Variants in COX10 observed in about 807,000 individuals in gnomAD.
COX10 encodes protoheme IX farnesyltransferase, mitochondrial.
In COX10, 27 loss-of-function variants were observed where a neutral mutation model predicts 37.3. That is an observed-to-expected ratio of 0.72 (90% CI 0.53 to 1.00). COX10 has a LOEUF of 1.00. COX10 is among the 50% of genes least tolerant of loss of function. COX10 has a pLI of 0.00. For synonymous variants in COX10, 222 were observed against 229.1 expected, an observed-to-expected ratio of 0.97 and a Z score of 0.28; for missense variants, 475 against 563.2, an observed-to-expected ratio of 0.84 and a Z score of 1.59.
chr17:14,173,958 A>T (rs1472281429), intron 5 of COX10, among the ~76,000 whole-genome samples: 1 of 152,122 alleles, frequency 6.6e-6, no homozygotes, highest in Non-Finnish European at 1.5e-5. Flanking sequence ...GGACTCTTCG[A>T]TAAAACACAA....
intron 4 of COX10, among the ~76,000 whole-genome samples, chr17:14,156,850 G>A (rs1447806418): frequency 1.3e-5 from 2 of 152,160 alleles, no homozygotes; most frequent in Non-Finnish European, 2.9e-5. Context: ...TACTGCACAT[G>A]TGATTATAAT....
chr17:14,190,144 G>A (rs1181212998), intron 5 of COX10, among the ~76,000 whole-genome samples: 2 of 152,220 alleles, frequency 1.3e-5, no homozygotes, highest in African/African-American at 4.8e-5. Context: ...TGAACCTAGA[G>A]CCTTGAGAAG....
chr17:14,174,984 CAG>C (rs1206777051), intron 5 of COX10, among the ~76,000 whole-genome samples: 1 of 91,780 alleles, frequency 1.1e-5, no homozygotes, highest in African/African-American at 3.4e-5. Context: ...TGAAAGAAGA[CAG>C]AGACAAAAGA....
At chr17:14,162,312 C>G (rs1905186198) in intron 5 of COX10, among the ~76,000 whole-genome samples, 1 of 152,188 alleles carries the variant, frequency 6.6e-6, no homozygotes. Context: ...GAAATCTTCT[C>G]TGCCAAATTA....
rs1384631812 is a variant in COX10 at position 14,159,935 on chromosome 17, G to A, written c.683G>A (p.Arg228His). Residue 228 changes from arginine to histidine, a missense_variant, in exon 5 of 7, where the codon CGT becomes CAT. Around this residue, in one of 5 missense-constraint regions of COX10, gnomAD observed 54 missense variants for 70.6 expected, o/e 0.76. Coordinates refer to ENST00000261643, the MANE Select transcript of COX10 (RefSeq NM_001303.4). ...MNRTKNRPLV[R>H]GQISPLLAVS... The stretch of plus-strand genomic sequence containing the variant: ...AGGACAAAGAACAGACCGCTGGTTC[G>A]TGGACAGATCAGGTAAAATCACGAA... 18 of 1,612,044 alleles carry A rather than the reference G, an allele frequency of 1.1e-5. No homozygotes were observed. Among genetic ancestry groups the A allele is most frequent in the East Asian group, 1.1e-4 (5 of 44,826 alleles).
intron 5 of COX10, among the ~76,000 whole-genome samples, chr17:14,175,583 T>C (rs1172114106): frequency 1.3e-5 from 2 of 152,098 alleles, no homozygotes; most frequent in South Asian, 4.2e-4. Context: ...CTCTGGATGT[T>C]ACACTCTGTG....
At chr17:14,082,769 C>T (rs184538941) in intron 3 of COX10, among the ~76,000 whole-genome samples, 31 of 152,170 alleles carry the variant, frequency 2.0e-4, no homozygotes, top group Middle Eastern at 3.4e-3. Context: ...GGTAATGTGC[C>T]GTCATGGTGT....
At position 14,151,970 on chromosome 17, in the gene COX10, G is replaced by GT. The variant is rs1400882694; in HGVS notation, c.625-7905dup. ...TTATTTATTGAGTGCCTATTTGCATGTTACTATACCATTTCCTGTTAACAT... is the reference window on the plus strand; with the variant it reads ...TTATTTATTGAGTGCCTATTTGCATGTTTACTATACCATTTCCTGTTAACAT... On this transcript the variant is annotated intron_variant, in intron 4 of 6. Transcript: ENST00000261643. Among the ~76,000 whole-genome samples, 8 of 152,256 alleles carry GT rather than the reference G, an allele frequency of 5.3e-5. No homozygotes were observed. In the South Asian group the frequency reaches 1.5e-3, roughly 28 times the overall value.
intron 4 of COX10, among the ~76,000 whole-genome samples, chr17:14,143,863 C>T (rs1449047838): frequency 1.3e-5 from 2 of 152,056 alleles, no homozygotes; most frequent in African/African-American, 4.8e-5. Context: ...TGTATAGAGT[C>T]TTGCTTTTGC....
chr17:14,131,432 T>A (rs1349290879), intron 4 of COX10, among the ~76,000 whole-genome samples: 1 of 152,110 alleles, frequency 6.6e-6, no homozygotes, highest in Admixed American at 6.6e-5. Context: ...TTTTCATATA[T>A]GAGTATCAGT....
chr17:14,102,358 A>G, intron 4 of COX10, 116 bp downstream of exon 4: 1 of 1,464,630 alleles, frequency 6.8e-7, no homozygotes, highest in South Asian at 1.1e-5. Flanking sequence ...CATTTGTAAC[A>G]CTATATATCC....
intron 5 of COX10, among the ~76,000 whole-genome samples, chr17:14,169,861 G>C (rs1345120723): frequency 6.6e-6 from 1 of 152,174 alleles, no homozygotes. Context: ...AGGGTCTAGT[G>C]GGAGGTGTTC....
At chr17:14,203,535 C>T (rs1014219931) in intron 6 of COX10, among the ~76,000 whole-genome samples, 2 of 152,162 alleles carry the variant, frequency 1.3e-5, no homozygotes, top group African/African-American at 4.8e-5. Flanking sequence ...GAACAATGTG[C>T]ATTAAAAATC....
Position 14,207,504 on chromosome 17 carries a change from A to C in COX10, c.*291A>C. 2.6e-6 allele frequency: 1 copy of C among 385,444 alleles called. No individual in the cohort carries two copies. Among genetic ancestry groups the C allele is most frequent in the Non-Finnish European group, 4.7e-6 (1 of 212,674 alleles). 23.9% of individuals were successfully genotyped at this position (385,444 alleles called of 1,614,324 possible). On this transcript the variant is annotated 3_prime_UTR_variant, in exon 7 of 7. Transcript: ENST00000261643. ...CCCTCTATTCTGTTTCTTCCTCCTC[A>C]CATGGGGGTACACATACACAGCTTC...
intron 5 of COX10, among the ~76,000 whole-genome samples, chr17:14,165,972 G>T (rs933376837): frequency 6.6e-6 from 1 of 152,218 alleles, no homozygotes; most frequent in Non-Finnish European, 1.5e-5. Context: ...AGAGAGGTGA[G>T]GAAACTGCAG....
At chr17:14,101,289 T>C (rs1199703277) in intron 3 of COX10, among the ~76,000 whole-genome samples, 3 of 152,216 alleles carry the variant, frequency 2.0e-5, no homozygotes, top group Admixed American at 6.6e-5. Flanking sequence ...GTACCTGTAA[T>C]GTTGCTCACC....
intron 4 of COX10, among the ~76,000 whole-genome samples, chr17:14,140,744 T>A (rs1181815723): frequency 1.3e-5 from 2 of 152,270 alleles, no homozygotes; most frequent in South Asian, 4.1e-4. Context: ...GATTATTAAA[T>A]AGCATGTAAT....
chr17:14,163,538 G>A (rs1453922738), intron 5 of COX10, among the ~76,000 whole-genome samples: 1 of 152,174 alleles, frequency 6.6e-6, no homozygotes, highest in Non-Finnish European at 1.5e-5. Flanking sequence ...TTACAGGCAT[G>A]AGCCACTGCG....
intron 4 of COX10, among the ~76,000 whole-genome samples, chr17:14,106,269 G>A (rs1597503060): frequency 6.6e-6 from 1 of 151,926 alleles, no homozygotes; most frequent in Admixed American, 6.6e-5. Flanking sequence ...CACCCGCCTC[G>A]GCCTCCCAAA....
Sources: allele counts gnomAD v4.1 joint callset (sites outside exome capture counted in the v4.1 genomes callset), GRCh38; gene constraint gnomAD v4.1.1; regional missense constraint gnomAD v4.1.1; transcripts MANE v1.5; gene names NCBI Gene and HGNC (gene_info 2026-07-23, HGNC 2026-07-21).